Variants in ZBTB20 observed in about 807,000 individuals in gnomAD.
The protein encoded by ZBTB20 is zinc finger and BTB domain containing 20.
A neutral mutation model predicts 56.9 loss-of-function variants in ZBTB20; 9 were observed. That is an observed-to-expected ratio of 0.16 (90% CI 0.10 to 0.28). ZBTB20 has a LOEUF of 0.28. Among genes scored for constraint, ZBTB20 ranks in the 10% least tolerant of loss-of-function variants. The pLI is 1.00. For synonymous variants in ZBTB20, 417 were observed against 420.7 expected (o/e 0.99, Z 0.11); for missense variants, 655 against 1,003.0 (o/e 0.65, Z 4.69).
At chr3:114,959,716 TACATACACACAC>T (rs952566321) in intron 3 of ZBTB20, among the ~76,000 whole-genome samples, 9 of 107,794 alleles carry the variant, frequency 8.3e-5, no homozygotes, top group African/African-American at 2.7e-4. Flanking sequence ...TATATTTATA[TACATACACACAC>T]ACACACACAC....
intron 6 of ZBTB20, among the ~76,000 whole-genome samples, chr3:114,629,235 G>A (rs2058805031): frequency 6.6e-6 from 1 of 152,040 alleles, no homozygotes; most frequent in Non-Finnish European, 1.5e-5. Flanking sequence ...GTAAAATAGG[G>A]ATGATAATAA....
At position 114,340,047 on chromosome 3, in the gene ZBTB20, C is replaced by A. The variant is rs141139696; in HGVS notation, c.1805-621G>T. Among the ~76,000 whole-genome samples, 32 of 152,236 alleles carry A rather than the reference C, an allele frequency of 2.1e-4. No homozygotes were observed. In the East Asian group the frequency reaches 6.0e-3, roughly 28 times the overall value. On this transcript the variant is annotated intron_variant, in intron 11 of 11. Transcript: ENST00000675478. ...AAGTTTATCTATTTTAGACAGAAAT[C>A]TTTCTAAAATATAACTTAAGGGTTA...
At chr3:114,440,707 G>A (rs561478745) in intron 7 of ZBTB20, among the ~76,000 whole-genome samples, 2 of 152,284 alleles carry the variant, frequency 1.3e-5, no homozygotes, top group African/African-American at 4.8e-5. Context: ...GTGGATACTG[G>A]TACGAGTACT....
At chr3:114,986,601 C>T (rs192019566) in intron 2 of ZBTB20, among the ~76,000 whole-genome samples, 266 of 152,182 alleles carry the variant, frequency 1.7e-3, no homozygotes, top group African/African-American at 6.2e-3. Context: ...TATAACAATT[C>T]TTTCTCCCTC....
Position 114,613,198 on chromosome 3 carries a change from G to T in ZBTB20, c.-295+80330C>A, listed in dbSNP as rs1447010149. On this transcript the variant is annotated intron_variant, in intron 6 of 11. Coordinates refer to ENST00000675478, the MANE Select transcript of ZBTB20 (RefSeq NM_001348800.3). ...GTATGGACTAGGTACTGGTATTAAG[G>T]GTTTTGTATTAGGCAAGAAGACAAA... Among the ~76,000 whole-genome samples, 3 of 152,074 alleles carry T rather than the reference G, an allele frequency of 2.0e-5. No homozygotes were observed. The East Asian group carries it at 5.8e-4, about 29-fold the overall frequency.
At chr3:114,868,364 T>C (rs1269146100) in intron 4 of ZBTB20, among the ~76,000 whole-genome samples, 1 of 152,184 alleles carries the variant, frequency 6.6e-6, no homozygotes, top group Non-Finnish European at 1.5e-5. Context: ...TTTTCTGTAC[T>C]CTTAGTCTGC....
At chr3:114,378,608 A>G (rs2683791) in intron 10 of ZBTB20, among the ~76,000 whole-genome samples, 62,963 of 152,010 alleles carry the variant, frequency 0.41, 13,147 homozygotes, top group Non-Finnish European at 0.43. Context: ...GAAGATTTCT[A>G]GCCTAAGGCA....
At chr3:114,388,438 A>G (rs1353024039) in intron 8 of ZBTB20, 1 of 152,186 alleles carries the variant, frequency 6.6e-6, no homozygotes, top group East Asian at 1.9e-4. Context: ...GGCGGGAACT[A>G]AATCAACTAC....
chr3:115,062,572 G>A (rs773985636), intron 2 of ZBTB20, among the ~76,000 whole-genome samples: 45 of 151,856 alleles, frequency 3.0e-4, no homozygotes, highest in Non-Finnish European at 5.9e-4. Context: ...TTTTTTGTTT[G>A]TTTGCTGTTG....
intron 5 of ZBTB20, among the ~76,000 whole-genome samples, chr3:114,738,201 G>A (rs1157565439): frequency 6.6e-6 from 1 of 150,984 alleles, no homozygotes; most frequent in African/African-American, 2.4e-5. Flanking sequence ...ACTAGATATG[G>A]TAAATATATT....
At chr3:114,458,700 C>G (rs948920040) in intron 7 of ZBTB20, among the ~76,000 whole-genome samples, 1 of 151,454 alleles carries the variant, frequency 6.6e-6, no homozygotes, top group African/African-American at 2.4e-5. Flanking sequence ...ATTATTAACC[C>G]ATTTATTAGC....
intron 6 of ZBTB20, among the ~76,000 whole-genome samples, chr3:114,525,152 G>A (rs745457143): frequency 1.3e-5 from 2 of 151,514 alleles, no homozygotes; most frequent in Non-Finnish European, 2.9e-5. Flanking sequence ...TTATTTGTTT[G>A]CTTTTTTTGT....
At chr3:114,398,180 A>AT (rs2108678577) in intron 7 of ZBTB20, among the ~76,000 whole-genome samples, 1 of 152,202 alleles carries the variant, frequency 6.6e-6, no homozygotes, top group East Asian at 1.9e-4. Flanking sequence ...TTTAGCCCAT[A>AT]ATGTTTTCTG....
Position 114,380,806 on chromosome 3 carries a change from A to G in ZBTB20, c.-19T>C, listed in dbSNP as rs770013814. The G allele has an allele frequency of 4.6e-6, 7 of 1,508,760 alleles. No individual in the cohort carries two copies. Among genetic ancestry groups the G allele is most frequent in the Non-Finnish European group, 6.2e-6 (7 of 1,136,976 alleles). 93.5% of individuals were successfully genotyped at this position (1,508,760 alleles called of 1,614,324 possible). The stretch of plus-strand genomic sequence containing the variant: ...CTAGCATTTGTCAGGAAGCTTAGAG[A>G]CAGGACTCGTGGAGTAATGGGAGGA... On this transcript the variant is annotated 5_prime_UTR_variant, in exon 9 of 12. Transcript: ENST00000675478.
At chr3:114,492,562 C>T (rs778942086) in intron 7 of ZBTB20, among the ~76,000 whole-genome samples, 2 of 152,192 alleles carry the variant, frequency 1.3e-5, no homozygotes, top group Non-Finnish European at 2.9e-5. Context: ...AATTTCCTCC[C>T]ATTTCCACTG....
intron 5 of ZBTB20, among the ~76,000 whole-genome samples, chr3:114,774,563 G>A (rs2069448779): frequency 6.6e-6 from 1 of 152,064 alleles, no homozygotes; most frequent in African/African-American, 2.4e-5. Context: ...TAATTTCAAG[G>A]GGCTTTGAGG....
intron 4 of ZBTB20, among the ~76,000 whole-genome samples, chr3:114,807,766 T>G (rs2072224888): frequency 6.6e-6 from 1 of 152,110 alleles, no homozygotes; most frequent in Non-Finnish European, 1.5e-5. Context: ...TGTTTTCTCT[T>G]TTATTCTATT....
chr3:114,864,062 T>C (rs897168067), intron 4 of ZBTB20, among the ~76,000 whole-genome samples: 11 of 152,216 alleles, frequency 7.2e-5, no homozygotes, highest in Admixed American at 2.6e-4. Context: ...TTTCCTAGTA[T>C]ATTGAAATCA....
At chr3:114,389,471 T>G (rs2085558647) in intron 7 of ZBTB20, among the ~76,000 whole-genome samples, 1 of 144,758 alleles carries the variant, frequency 6.9e-6, no homozygotes, top group Non-Finnish European at 1.5e-5. Flanking sequence ...TATCCTTTTC[T>G]TTTTTTTTTC....
Sources: gnomAD v4.1 joint callset for allele counts (sites outside exome capture counted in the v4.1 genomes callset) on GRCh38, gnomAD v4.1.1 for gene constraint, MANE v1.5 for transcripts, NCBI Gene and HGNC (gene_info 2026-07-23, HGNC 2026-07-21) for gene names.